The following NPAT variants were observed in gnomAD, a reference collection of about 807,000 sequenced individuals.
NPAT encodes nuclear protein, coactivator of histone transcription, also known as protein NPAT.
A neutral mutation model predicts 130.7 loss-of-function variants in NPAT; 52 were observed. The observed-to-expected ratio is 0.40, with a 90% CI of 0.32 to 0.50. NPAT has a LOEUF of 0.50. NPAT is among the 20% of genes least tolerant of loss of function. The pLI is 0.68. For missense variants in NPAT, 1,687 were observed against 1,662.6 expected (o/e 1.01, Z -0.26); for synonymous variants, 580 against 584.8 (o/e 0.99, Z 0.12).
In NPAT at chr11:108,186,551, A is replaced by G. The variant is rs1451126888; in HGVS notation, c.657T>C (p.Ser219=). ...TTGAATGAGGGCCAGACAAAGTGGT[A>G]CTTTTTCTCTGAGATTCACTGAAAC... The part of the protein sequence containing the change: ...GRRKSESQRK[S]TTLSGPHSTI... Residue 219 remains serine, a synonymous_variant, in exon 8 of 18, where the codon AGT becomes AGC. Transcript: ENST00000278612. 3.1e-6 allele frequency: 5 copies of G among 1,613,986 alleles called. No homozygotes were observed. Among genetic ancestry groups the G allele is most frequent in the Non-Finnish European group, 4.2e-6 (5 of 1,179,886 alleles).
intron 10 of NPAT, among the ~76,000 whole-genome samples, chr11:108,178,053 A>C (rs1229819676): frequency 6.6e-6 from 1 of 152,190 alleles, no homozygotes; most frequent in Non-Finnish European, 1.5e-5. Context: ...TACTTTCTTT[A>C]CATTACTCTA....
At position 108,173,443 on chromosome 11, in the gene NPAT, G is replaced by A. The variant is rs1591391180; in HGVS notation, c.1541C>T (p.Ser514Leu). 4 of 1,614,146 alleles carry A rather than the reference G, an allele frequency of 2.5e-6. No homozygotes were observed. The highest frequency in any genetic ancestry group is 3.4e-6 in the Non-Finnish European group (4 of 1,180,006). ...QPDIPITSFV[S>L]LGCEANNENL... is the part of the protein sequence containing the mutation. ...TTCATTGTTAGCTTCACAACCAAGT[G>A]AAACAAATGAAGTTATTGGTATATC... The change falls in exon 13 of 18, where the codon TCA becomes TTA. Residue 514 changes from serine to leucine, a missense_variant. Ser to Leu is a moderately radical substitution (Grantham distance 145). This residue lies in a region of NPAT where 1,379 missense variants were observed against 1,346.6 expected (regional missense o/e 1.02). Transcript: ENST00000278612.
rs58890849 is a variant in NPAT, at chr11:108,209,888, C to CAAA, written c.38-12471_38-12469dup. 2.1e-4 allele frequency among the ~76,000 whole-genome samples: 15 copies of CAAA among 70,806 alleles called. 1 individual carries two copies. The highest frequency in any genetic ancestry group is 7.3e-4 in the African/African-American group (11 of 15,032). 46.5% of individuals were successfully genotyped at this position (70,806 alleles called of 152,430 possible). A position where few individuals can be genotyped will look rare whatever the true frequency, so the allele number is the denominator to read the frequency against. On this transcript the variant is annotated intron_variant, in intron 1 of 17. Transcript: ENST00000278612. ...TGGGGAACAGAGTGAGACTTCATCT[C>CAAA]AAAAAAAAAAAAAAAAAAAAAAAAA...
chr11:108,161,133 G>A lies in NPAT; in HGVS notation c.3953C>T (p.Pro1318Leu), dbSNP rs747974878. Residue 1318 changes from proline to leucine, a missense_variant, in exon 17 of 18, where the codon CCT becomes CTT. Pro to Leu is a moderately conservative substitution (Grantham distance 98). Coordinates refer to ENST00000278612, the MANE Select transcript of NPAT (RefSeq NM_002519.3). ...PVTPDLPACS[P>L]ASETGSENSV... ...GTTTTCACTTCCTGTTTCACTGGCA[G>A]GGCTGCAGGCAGGCAAGTCTGGGGT... is the stretch of plus-strand genomic sequence containing the variant. The A allele has an allele frequency of 1.2e-6, 2 of 1,614,078 alleles. No individual in the cohort carries two copies. Among genetic ancestry groups the A allele is most frequent in the African/African-American group, 1.3e-5 (1 of 74,928 alleles).
intron 1 of NPAT, among the ~76,000 whole-genome samples, chr11:108,222,203 G>T (rs2078520387): frequency 1.3e-5 from 2 of 152,126 alleles, no homozygotes; most frequent in African/African-American, 4.8e-5. Flanking sequence ...TCTTTCAGGG[G>T]TCCTAATTAA....
Position 108,172,634 on chromosome 11 carries a change from C to A in NPAT, c.2350G>T (p.Ala784Ser). Residue 784 changes from alanine to serine, a missense_variant, in exon 13 of 18, where the codon GCA becomes TCA. By Grantham distance (99) the Ala-to-Ser change is moderately conservative (BLOSUM62 1). This residue lies in a region of NPAT where 1,379 missense variants were observed against 1,346.6 expected (regional missense o/e 1.02). Transcript: ENST00000278612. Reference protein sequence around the residue: ...SSPTKSPTKNAELVKCLSSEE... With the variant: ...SSPTKSPTKNSELVKCLSSEE... ...GAAGATAGGCATTTAACTAGTTCTG[C>A]ATTTTTAGTAGGTGATTTAGTAGGA... is the stretch of plus-strand genomic sequence containing the variant. The A allele has an allele frequency of 6.2e-7, 1 of 1,614,124 alleles. No individual in the cohort carries two copies. The highest frequency in any genetic ancestry group is 8.5e-7 in the Non-Finnish European group (1 of 1,180,016).
chr11:108,192,822 C>T (rs543470315), intron 3 of NPAT, among the ~76,000 whole-genome samples: 2 of 152,186 alleles, frequency 1.3e-5, no homozygotes, highest in African/African-American at 4.8e-5. Context: ...GGCATGGTGG[C>T]GTGCGCCTAT....
At chr11:108,222,382 C>T in intron 1 of NPAT, 118 bp downstream of exon 1, 2 of 1,065,628 alleles carry the variant, frequency 1.9e-6, no homozygotes, top group Non-Finnish European at 2.8e-6. Flanking sequence ...AGTCTCAACT[C>T]GTAAGCTGGG....
chr11:108,158,521 A>G lies in NPAT; in HGVS notation c.*421T>C, dbSNP rs762060580. On this transcript the variant is annotated 3_prime_UTR_variant, in exon 18 of 18. Transcript: ENST00000278612. ...ATTGAATAGTTACTGAAGGTAATTT[A>G]TAAGAATAAGCATCATTTTCCTCCA... The G allele has an allele frequency of 1.2e-5, 2 of 160,496 alleles. No homozygotes were observed. Among genetic ancestry groups the G allele is most frequent in the Non-Finnish European group, 2.7e-5 (2 of 73,120 alleles). The allele number at this position is 160,496 out of a possible 1,614,324, so 9.9% of individuals were successfully genotyped here.
intron 10 of NPAT, among the ~76,000 whole-genome samples, chr11:108,183,447 C>A (rs1258536408): frequency 3.3e-5 from 5 of 152,180 alleles, no homozygotes; most frequent in Non-Finnish European, 5.9e-5. Flanking sequence ...AAAAATATTT[C>A]TATTGTCCAA....
intron 1 of NPAT, among the ~76,000 whole-genome samples, chr11:108,206,312 G>T (rs997660771): frequency 1.3e-5 from 2 of 152,110 alleles, no homozygotes; most frequent in Non-Finnish European, 2.9e-5. Context: ...GGTTTGTTCC[G>T]CCCACTTGGC....
chr11:108,189,818 C>T (rs1274761943), intron 5 of NPAT, among the ~76,000 whole-genome samples: 4 of 141,824 alleles, frequency 2.8e-5, no homozygotes, highest in East Asian at 4.3e-4. Flanking sequence ...TGCAGTGAGC[C>T]GAGATCGCGC....
chr11:108,222,151 A>G (rs1565334292), intron 1 of NPAT, among the ~76,000 whole-genome samples: 1 of 152,120 alleles, frequency 6.6e-6, no homozygotes, highest in South Asian at 2.1e-4. Flanking sequence ...ATTGCGCCCA[A>G]GGTTGAAGCA....
At chr11:108,209,782 G>A (rs534326910) in intron 1 of NPAT, among the ~76,000 whole-genome samples, 4 of 150,724 alleles carry the variant, frequency 2.7e-5, no homozygotes, top group South Asian at 2.1e-4. Context: ...CCAGCTCCTC[G>A]GGAGGCTGAG....
At chr11:108,160,304 C>T (rs973767906) in intron 17 of NPAT, among the ~76,000 whole-genome samples, 3 of 151,972 alleles carry the variant, frequency 2.0e-5, no homozygotes, top group South Asian at 2.1e-4. Flanking sequence ...GCCTGGGCAA[C>T]GAGAGTGAAA....
At position 108,173,510 on chromosome 11, in the gene NPAT, A is replaced by T; in HGVS notation, c.1474T>A (p.Ser492Thr). The T allele has an allele frequency of 6.2e-7, 1 of 1,614,202 alleles. No individual in the cohort carries two copies. The part of the protein sequence containing the change: ...AIGIEKNSLS[S>T]NVPSESQLQP... ...AACTGAGATTCACTCGGTACATTTG[A>T]AGACAAAGAGTTCTTTTCAATCCCT... Residue 492 changes from serine (S) to threonine (T), a missense_variant, in exon 13 of 18, where the codon TCA becomes ACA. Physicochemically the swap from Ser to Thr is moderately conservative, Grantham distance 58. Around this residue, in one of 3 missense-constraint regions of NPAT, gnomAD observed 1,379 missense variants for 1,346.6 expected, o/e 1.02. Coordinates refer to ENST00000278612, the MANE Select transcript of NPAT (RefSeq NM_002519.3).
intron 1 of NPAT, among the ~76,000 whole-genome samples, chr11:108,220,585 C>A (rs1157316746): frequency 2.0e-5 from 3 of 151,956 alleles, no homozygotes; most frequent in Admixed American, 2.0e-4. Flanking sequence ...ACAAGAGGAG[C>A]TGAAGATGGC....
chr11:108,201,661 C>CCTCTGGT (rs1179887103), intron 1 of NPAT, among the ~76,000 whole-genome samples: 1 of 152,208 alleles, frequency 6.6e-6, no homozygotes, highest in East Asian at 1.9e-4. Context: ...ACTAAGGTGA[C>CCTCTGGT]CATGGGGTAT....
chr11:108,197,572 G>C, intron 1 of NPAT, 152 bp from the exon 2 acceptor site: 3 of 675,342 alleles, frequency 4.4e-6, no homozygotes, highest in East Asian at 2.6e-5. Context: ...GAAACACCAG[G>C]TTGTGCTGCA....
Sources: gnomAD v4.1 joint callset for allele counts (sites outside exome capture counted in the v4.1 genomes callset) on GRCh38, gnomAD v4.1.1 for gene constraint, gnomAD v4.1.1 regional missense constraint, MANE v1.5 for transcripts, NCBI Gene and HGNC (gene_info 2026-07-23, HGNC 2026-07-21) for gene names.